Variants in DISC1 observed in about 807,000 individuals in gnomAD.
The protein encoded by DISC1 is disrupted in schizophrenia 1 protein.
Under a neutral mutation model 84.5 loss-of-function variants are expected in DISC1, and 57 were observed. The observed-to-expected ratio is 0.67, with a 90% CI of 0.55 to 0.84. The LOEUF (loss-of-function observed/expected upper bound fraction) is 0.84, where lower values mean the gene tolerates loss of function less well. DISC1 is among the 40% of genes least tolerant of loss of function. The pLI, the probability that DISC1 is intolerant of heterozygous loss-of-function variation, is 0.00. For missense variants in DISC1, 1,000 were observed against 1,057.8 expected (o/e 0.95, Z 0.76); for synonymous variants, 411 against 415.2 (o/e 0.99, Z 0.12).
chr1:231,645,853 T>A (rs1269900432), intron 1 of DISC1, among the ~76,000 whole-genome samples: 1 of 151,882 alleles, frequency 6.6e-6, no homozygotes, highest in Non-Finnish European at 1.5e-5. Flanking sequence ...CATCCTTTTT[T>A]ATGGCTGCGT....
chr1:231,847,805 C>T (rs574064070), intron 9 of DISC1, among the ~76,000 whole-genome samples: 2 of 152,206 alleles, frequency 1.3e-5, no homozygotes, highest in African/African-American at 2.4e-5. Flanking sequence ...GATCTCATTA[C>T]CCTGTCTCAG....
chr1:231,781,598 G>A (rs1054524768), intron 6 of DISC1, among the ~76,000 whole-genome samples: 22 of 152,248 alleles, frequency 1.4e-4, no homozygotes, highest in African/African-American at 3.9e-4. Flanking sequence ...TCTCCTAGTC[G>A]ATTTCAACTT....
intron 4 of DISC1, among the ~76,000 whole-genome samples, chr1:231,762,647 G>A (rs571449871): frequency 8.6e-5 from 13 of 151,290 alleles, no homozygotes; most frequent in African/African-American, 3.2e-4. Flanking sequence ...TACCATGCCT[G>A]GCCCACATCT....
Position 231,903,318 on chromosome 1 carries a change from C to T in DISC1, c.1982-55510C>T, listed in dbSNP as rs142793599. On this transcript the variant is annotated intron_variant, in intron 9 of 12. Coordinates refer to ENST00000439617, the MANE Select transcript of DISC1 (RefSeq NM_018662.3). ...TCTTAATGAATGTTATGTGTGAAGA[C>T]CTCCCTTATTTCCAGATAAGGTCAC... 1.1e-3 allele frequency among the ~76,000 whole-genome samples: 161 copies of T among 152,266 alleles called. 2 individuals carry two copies. The East Asian group carries it at 0.03, about 28-fold the overall frequency.
chr1:231,735,556 T>C (rs530361093), intron 3 of DISC1, among the ~76,000 whole-genome samples: 1 of 152,188 alleles, frequency 6.6e-6, no homozygotes, highest in Non-Finnish European at 1.5e-5. Context: ...GAATATAGGT[T>C]TTGGAGTCAG....
At chr1:231,832,583 T>C (rs2082317738) in intron 9 of DISC1, among the ~76,000 whole-genome samples, 2 of 151,544 alleles carry the variant, frequency 1.3e-5, no homozygotes, top group African/African-American at 2.4e-5. Context: ...CCTGTGGCAG[T>C]ACAGCCCAGG....
chr1:231,636,289 G>A (rs968641686), intron 1 of DISC1, among the ~76,000 whole-genome samples: 15 of 152,264 alleles, frequency 9.9e-5, no homozygotes, highest in African/African-American at 2.4e-4. Context: ...TGGCAGCTCC[G>A]TAGGGTGGAC....
intron 10 of DISC1, among the ~76,000 whole-genome samples, chr1:231,967,335 C>T (rs997269637): frequency 9.9e-5 from 15 of 152,226 alleles, no homozygotes; most frequent in African/African-American, 3.6e-4. Context: ...GTTTCCAAAA[C>T]AGGTGCACAC....
rs866643538 is a variant in DISC1 at position 231,886,782 on chromosome 1, T to A, written c.1981+68265T>A. Among the ~76,000 whole-genome samples, 50 of 123,100 alleles carry A rather than the reference T, an allele frequency of 4.1e-4. 1 individual carries two copies. The highest frequency in any genetic ancestry group is 1.3e-3 in the African/African-American group (44 of 33,076). The allele number at this position is 123,100 out of a possible 152,430, so 80.8% of individuals were successfully genotyped here. A position where few individuals can be genotyped will look rare whatever the true frequency, so the allele number is the denominator to read the frequency against. On this transcript the variant is annotated intron_variant, in intron 9 of 12. Transcript: ENST00000439617. The stretch of plus-strand genomic sequence containing the variant: ...TCCTTCCTTCCTTTCTTTCTTTCTT[T>A]CTTTCTTTCTTTCTTTCTTTCTTTC...
chr1:231,931,054 T>A (rs145907328), intron 9 of DISC1, among the ~76,000 whole-genome samples: 1 of 152,344 alleles, frequency 6.6e-6, no homozygotes, highest in African/African-American at 2.4e-5. Flanking sequence ...CACTTCTATA[T>A]GTTTGTTACC....
At chr1:231,906,135 GCCTCAGCCTCCCAAGCAGCTGGGA>G (rs2088616927) in intron 9 of DISC1, among the ~76,000 whole-genome samples, 1 of 147,524 alleles carries the variant, frequency 6.8e-6, no homozygotes, top group Non-Finnish European at 1.5e-5. Flanking sequence ...TGATTCTCCT[GCCTCAGCCTCCCAAGCAGCTGGGA>G]CCACAGACAT....
intron 6 of DISC1, among the ~76,000 whole-genome samples, chr1:231,790,765 A>G (rs956606732): frequency 2.0e-5 from 3 of 151,734 alleles, no homozygotes; most frequent in South Asian, 4.2e-4. Flanking sequence ...TGATCTGCCC[A>G]CCTCGGCCTC....
chr1:232,031,345 G>A lies in DISC1; in HGVS notation c.2425+4793G>A, dbSNP rs555423787. On this transcript the variant is annotated intron_variant, in intron 12 of 12. Coordinates refer to ENST00000439617, the MANE Select transcript of DISC1 (RefSeq NM_018662.3). The surrounding 1 kb of genome is among the most constrained non-coding windows in gnomAD (Gnocchi z 4.6). The stretch of plus-strand genomic sequence containing the variant: ...GAAAAGGAAAGGAAAAGGAAAAGAG[G>A]AAAGAAAAGGAAAGGGAAGGGAGAG... Among the ~76,000 whole-genome samples, 200 of 136,782 alleles carry A rather than the reference G, an allele frequency of 1.5e-3. No homozygotes were observed. The highest frequency in any genetic ancestry group is 2.7e-3 in the Non-Finnish European group (166 of 61,510). 89.7% of individuals were successfully genotyped at this position (136,782 alleles called of 152,430 possible).
At chr1:231,892,386 T>G (rs183776448) in intron 9 of DISC1, among the ~76,000 whole-genome samples, 70 of 152,262 alleles carry the variant, frequency 4.6e-4, no homozygotes, top group African/African-American at 1.7e-3. Context: ...TGGGGTGTGG[T>G]GTCCAAGTAG....
At chr1:231,875,079 T>C (rs947389285) in intron 9 of DISC1, among the ~76,000 whole-genome samples, 2 of 152,200 alleles carry the variant, frequency 1.3e-5, no homozygotes, top group Non-Finnish European at 2.9e-5. Context: ...AACCTTATGC[T>C]GTCCTCTCAC....
At chr1:232,002,854 A>G (rs1447023610) in intron 10 of DISC1, among the ~76,000 whole-genome samples, 1 of 152,156 alleles carries the variant, frequency 6.6e-6, no homozygotes, top group African/African-American at 2.4e-5. Context: ...GGGTACCTGA[A>G]CTTACATAAG....
intron 6 of DISC1, among the ~76,000 whole-genome samples, chr1:231,778,720 C>T (rs1006019398): frequency 1.3e-5 from 2 of 152,176 alleles, no homozygotes; most frequent in Non-Finnish European, 2.9e-5. Context: ...GAAAATCCCC[C>T]TTATCTGGCT....
chr1:231,991,785 C>G (rs896947047), intron 10 of DISC1, among the ~76,000 whole-genome samples: 2 of 152,182 alleles, frequency 1.3e-5, no homozygotes, highest in African/African-American at 4.8e-5. Context: ...AGCCCCTTTG[C>G]TGTCCTCCAA....
At chr1:231,880,032 A>G (rs1481768012) in intron 9 of DISC1, among the ~76,000 whole-genome samples, 1 of 152,220 alleles carries the variant, frequency 6.6e-6, no homozygotes, top group Non-Finnish European at 1.5e-5. Flanking sequence ...CCAATGTGGC[A>G]GTATTGAGAG....
Sources: gnomAD v4.1 joint callset for allele counts (sites outside exome capture counted in the v4.1 genomes callset) on GRCh38, gnomAD v4.1.1 for gene constraint, Gnocchi (gnomAD v3.1) non-coding constraint, MANE v1.5 for transcripts, NCBI Gene and HGNC (gene_info 2026-07-23, HGNC 2026-07-21) for gene names.